NEURL1: variants seen among roughly 807,000 people sequenced by gnomAD.
NEURL1 encodes the protein E3 ubiquitin-protein ligase NEURL1.
NEURL1 carries 26 observed loss-of-function variants against 41.2 expected under a neutral mutation model. That is an observed-to-expected ratio of 0.63 (90% CI 0.46 to 0.87). NEURL1 has a LOEUF of 0.87. Ranked by LOEUF, NEURL1 falls within the 40% of genes least tolerant of loss-of-function variation. The probability of loss-of-function intolerance (pLI) is 0.00; values close to 1 mark genes in which losing one functional copy is unlikely to be tolerated. For synonymous variants in NEURL1, 400 were observed against 402.3 expected (o/e 0.99, Z 0.07); for missense variants, 761 against 871.1 (o/e 0.87, Z 1.59).
rs2034965093 is a variant in NEURL1 at position 103,548,339 on chromosome 10, T to TC, written c.86-22533_86-22532insC. Among the ~76,000 whole-genome samples, 3 of 152,256 alleles carry TC rather than the reference T, an allele frequency of 2.0e-5. No homozygotes were observed. In the South Asian group the frequency reaches 6.2e-4, roughly 32 times the overall value. On this transcript the variant is annotated intron_variant, in intron 1 of 5. Coordinates refer to ENST00000369780, the MANE Select transcript of NEURL1 (RefSeq NM_004210.5). ...GGGTAATATGTATTTTTCTTTTTTT[T>TC]TGAGATAGTTTTCACTCTTGTCACC...
intron 3 of NEURL1, among the ~76,000 whole-genome samples, chr10:103,582,122 T>C (rs749391979): frequency 6.6e-6 from 1 of 152,006 alleles, no homozygotes; most frequent in Non-Finnish European, 1.5e-5. Context: ...CTGTGACAGC[T>C]GTGTTCCTGG....
chr10:103,521,623 A>C (rs1344879921), intron 1 of NEURL1, among the ~76,000 whole-genome samples: 1 of 152,090 alleles, frequency 6.6e-6, no homozygotes, highest in Non-Finnish European at 1.5e-5. Flanking sequence ...AACCTAGAAG[A>C]GGTTATGAAA....
At position 103,590,115 on chromosome 10, in the gene NEURL1, G is replaced by GT. The variant is rs775521743; in HGVS notation, c.1487-19_1487-18insT. The stretch of plus-strand genomic sequence containing the variant: ...GGTTGGGCCATGTCTCCTCCTGACT[G>GT]GTGCCCCCTTGTCCTCAGGGACAGC... On this transcript the variant is annotated intron_variant, in intron 5 of 5. Transcript: ENST00000369780. The GT allele has an allele frequency of 1.2e-5, 19 of 1,610,918 alleles. No individual in the cohort carries two copies. Among genetic ancestry groups the GT allele is most frequent in the African/African-American group, 1.3e-5 (1 of 74,880 alleles).
At chr10:103,530,149 CT>C (rs956901718) in intron 1 of NEURL1, among the ~76,000 whole-genome samples, 5 of 152,096 alleles carry the variant, frequency 3.3e-5, no homozygotes, top group African/African-American at 1.2e-4. Context: ...AAAAAACCAA[CT>C]TTTTTTGTCA....
At chr10:103,543,512 C>G (rs2034863714) in intron 1 of NEURL1, among the ~76,000 whole-genome samples, 1 of 152,232 alleles carries the variant, frequency 6.6e-6, no homozygotes, top group African/African-American at 2.4e-5. Context: ...TCCTCCTCCT[C>G]TTCCTCTTTT....
chr10:103,567,091 C>T (rs984954933), intron 1 of NEURL1, among the ~76,000 whole-genome samples: 1 of 151,834 alleles, frequency 6.6e-6, no homozygotes, highest in Non-Finnish European at 1.5e-5. Context: ...TTAAGCAATC[C>T]TTGTGCCTCA....
intron 1 of NEURL1, among the ~76,000 whole-genome samples, chr10:103,529,331 C>T (rs2034524524): frequency 6.6e-6 from 1 of 152,144 alleles, no homozygotes. Context: ...GGGTTTGTGA[C>T]TGCAAATACC....
chr10:103,539,930 G>A (rs1592207433), intron 1 of NEURL1, among the ~76,000 whole-genome samples: 1 of 152,136 alleles, frequency 6.6e-6, no homozygotes, highest in South Asian at 2.1e-4. Flanking sequence ...AAGCTGGCTG[G>A]AGCTTCAGCT....
intron 1 of NEURL1, among the ~76,000 whole-genome samples, chr10:103,517,870 C>G (rs1235430116): frequency 6.6e-6 from 1 of 152,226 alleles, no homozygotes; most frequent in African/African-American, 2.4e-5. Context: ...AACACTTGGG[C>G]CTGGCAGGCC....
chr10:103,571,408 G>A (rs1372806461), intron 2 of NEURL1, 93 bp from the exon 3 acceptor site: 21 of 1,310,634 alleles, frequency 1.6e-5, no homozygotes, highest in African/African-American at 4.4e-5. Context: ...AGGCTGCTGT[G>A]GGATGCTCCA....
At chr10:103,538,039 A>G (rs2034732627) in intron 1 of NEURL1, among the ~76,000 whole-genome samples, 1 of 152,154 alleles carries the variant, frequency 6.6e-6, no homozygotes, top group South Asian at 2.1e-4. Flanking sequence ...TCTTTCACTC[A>G]GCATAATTAG....
chr10:103,516,240 A>G (rs1242211327), intron 1 of NEURL1, among the ~76,000 whole-genome samples: 35 of 150,936 alleles, frequency 2.3e-4, no homozygotes, highest in African/African-American at 7.3e-5. Context: ...AAAAAAAAAA[A>G]AAAAGAAAAG....
At chr10:103,533,790 C>T (rs1032761848) in intron 1 of NEURL1, among the ~76,000 whole-genome samples, 18 of 152,188 alleles carry the variant, frequency 1.2e-4, no homozygotes, top group African/African-American at 2.9e-4. Context: ...CCCGCCTTGG[C>T]CTCCCAAAGT....
In NEURL1 at chr10:103,494,279, C is replaced by T; in HGVS notation, c.-109C>T. 1 of 823,790 alleles carries T rather than the reference C, an allele frequency of 1.2e-6. No homozygotes were observed. Among genetic ancestry groups the T allele is most frequent in the Non-Finnish European group, 1.8e-6 (1 of 542,450 alleles). The allele number at this position is 823,790 out of a possible 1,614,324, so 51.0% of individuals were successfully genotyped here. ...GCCCCCGGCTGCAGCCCCAGCAGGGCCCTCCCCCGGTGGCGCGCACCCGCG... is the reference window on the plus strand; with the variant it reads ...GCCCCCGGCTGCAGCCCCAGCAGGGTCCTCCCCCGGTGGCGCGCACCCGCG... On this transcript the variant is annotated 5_prime_UTR_variant, in exon 1 of 6. Transcript: ENST00000369780.
intron 1 of NEURL1, among the ~76,000 whole-genome samples, chr10:103,513,554 A>G (rs2133850787): frequency 6.6e-6 from 1 of 152,350 alleles, no homozygotes; most frequent in Non-Finnish European, 1.5e-5. Flanking sequence ...AGCCACGCCT[A>G]GTGCCTCAGG....
chr10:103,520,889 C>G (rs1053759986), intron 1 of NEURL1, among the ~76,000 whole-genome samples: 1 of 152,006 alleles, frequency 6.6e-6, no homozygotes, highest in Non-Finnish European at 1.5e-5. Flanking sequence ...TTGGTGATGG[C>G]CTGGATACGG....
chr10:103,589,628 G>C lies in NEURL1; in HGVS notation c.1454G>C (p.Cys485Ser). Residue 485 changes from cysteine to serine, a missense_variant, in exon 5 of 6, where the codon TGC (cysteine) becomes TCC (serine). Physicochemically the swap from Cys to Ser is moderately radical, Grantham distance 112. Around this residue, in one of 5 missense-constraint regions of NEURL1, gnomAD observed 443 missense variants for 408.1 expected, o/e 1.09. Coordinates refer to ENST00000369780, the MANE Select transcript of NEURL1 (RefSeq NM_004210.5). ...SRLSDPLLST[C>S]SSGPLGSSAG... ...CTGTCTGACCCCTTGCTCAGCACGT[G>C]CAGCTCTGGCCCTCTGGGTAGCTCT... 6.2e-7 allele frequency: 1 copy of C among 1,613,558 alleles called. No individual in the cohort carries two copies. The highest frequency in any genetic ancestry group is 8.5e-7 in the Non-Finnish European group (1 of 1,179,706).
At chr10:103,525,358 C>CTTTTTTT (rs554506607) in intron 1 of NEURL1, among the ~76,000 whole-genome samples, 2 of 136,092 alleles carry the variant, frequency 1.5e-5, no homozygotes. Flanking sequence ...TTTCTTTTTT[C>CTTTTTTT]TTTTTTTTTT....
rs991139392 is a variant in NEURL1 at position 103,497,211 on chromosome 10, G to A, written c.85+2739G>A. The stretch of plus-strand genomic sequence containing the variant: ...GTTTATTCCCAATTCTCTTCTAAAT[G>A]TATCAGCATTGACCTACGAGTCTTC... On this transcript the variant is annotated intron_variant, in intron 1 of 5. Transcript: ENST00000369780. Among the ~76,000 whole-genome samples, 7 of 152,262 alleles carry A rather than the reference G, an allele frequency of 4.6e-5. No homozygotes were observed. In the East Asian group the frequency reaches 5.8e-4, roughly 13 times the overall value.
Sources: gnomAD v4.1 joint callset for allele counts (sites outside exome capture counted in the v4.1 genomes callset) on GRCh38, gnomAD v4.1.1 for gene constraint, gnomAD v4.1.1 regional missense constraint, MANE v1.5 for transcripts, NCBI Gene and HGNC (gene_info 2026-07-23, HGNC 2026-07-21) for gene names.